HTT: variants seen among roughly 807,000 people sequenced by gnomAD.
HTT encodes huntingtin.
In HTT, 104 loss-of-function variants were observed where a neutral mutation model predicts 362.3. The ratio of observed to expected loss-of-function variants is 0.29; its 90% confidence interval spans 0.24 to 0.34. The LOEUF (loss-of-function observed/expected upper bound fraction) is 0.34. HTT is among the 10% of genes least tolerant of loss of function. The probability of loss-of-function intolerance (pLI) is 1.00; values close to 1 mark genes in which losing one functional copy is unlikely to be tolerated. For missense variants in HTT, 3,301 were observed against 3,928.6 expected, an observed-to-expected ratio of 0.84 and a Z score of 4.27; for synonymous variants, 1,577 against 1,548.7, an observed-to-expected ratio of 1.02 and a Z score of -0.43.
intron 37 of HTT, among the ~76,000 whole-genome samples, chr4:3,186,137 G>A (rs937428517): frequency 3.3e-5 from 5 of 152,042 alleles, no homozygotes; most frequent in African/African-American, 1.2e-4. Flanking sequence ...GATTAAGAAA[G>A]GGATATACAC....
In HTT at chr4:3,217,964, C is replaced by T. The variant is rs767464594; in HGVS notation, c.7242+12C>T. Reference sequence around the variant, plus strand: ...GTGTGCCCCCACTGGTGAGTCTGCTCGTTCCTTGCAGAAGACCAAGTACGG... The same window carrying T: ...GTGTGCCCCCACTGGTGAGTCTGCTTGTTCCTTGCAGAAGACCAAGTACGG... On this transcript the variant is annotated intron_variant, in intron 52 of 66. Transcript: ENST00000355072. 7.7e-5 allele frequency: 123 copies of T among 1,593,912 alleles called. No homozygotes were observed. The highest frequency in any genetic ancestry group is 1.2e-4 in the African/African-American group (9 of 74,648).
intron 27 of HTT, among the ~76,000 whole-genome samples, chr4:3,155,859 C>G (rs1422657991): frequency 6.7e-5 from 10 of 148,960 alleles, no homozygotes; most frequent in African/African-American, 2.5e-5. Flanking sequence ...GTTCATGCCA[C>G]TGCACTCTAG....
At chr4:3,127,635 T>A in intron 12 of HTT, 31 bp downstream of exon 12, 1 of 1,478,238 alleles carries the variant, frequency 6.8e-7, no homozygotes, top group Non-Finnish European at 9.3e-7. Context: ...GACATCTTTT[T>A]TTTTATTTTT....
chr4:3,075,647 C>CGGGGGGGGG (rs1560535774), intron 1 of HTT, among the ~76,000 whole-genome samples: 2 of 61,666 alleles, frequency 3.2e-5, no homozygotes, highest in Non-Finnish European at 2.9e-5. Context: ...AGTGGCGGGG[C>CGGGGGGGGG]AGGGGGGGGG....
intron 26 of HTT, among the ~76,000 whole-genome samples, chr4:3,152,126 TCTCA>T (rs1716925977): frequency 2.0e-5 from 3 of 147,620 alleles, no homozygotes; most frequent in Non-Finnish European, 3.0e-5. Context: ...TGAGACAGAG[TCTCA>T]GCCTGTCGCC....
chr4:3,104,948 A>C (rs1714350253), intron 4 of HTT, among the ~76,000 whole-genome samples: 1 of 152,118 alleles, frequency 6.6e-6, no homozygotes, highest in African/African-American at 2.4e-5. Flanking sequence ...ATTATCGACT[A>C]TATATTATTG....
intron 48 of HTT, 44 bp from the exon 49 acceptor site, chr4:3,212,520 C>T (rs773484422): frequency 1.3e-6 from 2 of 1,593,582 alleles, no homozygotes; most frequent in East Asian, 2.2e-5. Flanking sequence ...GTTGATGCAT[C>T]TGTGCTCACG....
chr4:3,228,844 T>C lies in HTT; in HGVS notation c.7980-36T>C, dbSNP rs765544082. On this transcript the variant is annotated intron_variant, in intron 58 of 66. Coordinates refer to ENST00000355072, the MANE Select transcript of HTT (RefSeq NM_001388492.1). The surrounding 1 kb of genome is among the most constrained non-coding windows in gnomAD (Gnocchi z 4.3). Reference sequence around the variant, plus strand: ...TTCTTGAAATGAGCCTCTCATCTCATGTACTTGGAAAATACCCATCTCGCA... The same window carrying C: ...TTCTTGAAATGAGCCTCTCATCTCACGTACTTGGAAAATACCCATCTCGCA... The C allele has an allele frequency of 5.0e-6, 8 of 1,595,746 alleles. No individual in the cohort carries two copies. In the African/African-American group the frequency reaches 6.7e-5, roughly 13 times the overall value.
chr4:3,215,411 T>C (rs543317170), intron 51 of HTT, among the ~76,000 whole-genome samples, 200 bp downstream of exon 51: 80 of 152,228 alleles, frequency 5.3e-4, no homozygotes, highest in African/African-American at 1.3e-3. Flanking sequence ...GAACACCTTA[T>C]CCGTACACAT....
intron 29 of HTT, among the ~76,000 whole-genome samples, chr4:3,161,531 C>G (rs1717444715): frequency 6.6e-6 from 1 of 152,306 alleles, no homozygotes; most frequent in Non-Finnish European, 1.5e-5. Context: ...AATTTACACT[C>G]CCACCAACAG....
chr4:3,134,381 C>T lies in HTT; in HGVS notation c.2494-20C>T. 1 of 1,609,884 alleles carries T rather than the reference C, an allele frequency of 6.2e-7. No homozygotes were observed. The highest frequency in any genetic ancestry group is 8.5e-7 in the Non-Finnish European group (1 of 1,178,030). On this transcript the variant is annotated intron_variant, in intron 18 of 66. Transcript: ENST00000355072. Reference sequence around the variant, plus strand: ...GTGGGACTAACCTGCTGTCCTCTTGCCTTGGACCTTGTGTTCCAGAACTGT... The same window carrying T: ...GTGGGACTAACCTGCTGTCCTCTTGTCTTGGACCTTGTGTTCCAGAACTGT...
At chr4:3,208,676 T>C in intron 45 of HTT, 97 bp from the exon 46 acceptor site, 1 of 1,164,910 alleles carries the variant, frequency 8.6e-7, no homozygotes, top group Non-Finnish European at 1.2e-6. Flanking sequence ...CTCCTTAGAG[T>C]GTATATTTCT....
At chr4:3,233,568 C>T (rs534937402) in intron 61 of HTT, among the ~76,000 whole-genome samples, 2 of 152,342 alleles carry the variant, frequency 1.3e-5, no homozygotes, top group Non-Finnish European at 2.9e-5. Context: ...CTGGAGCTCT[C>T]GCCTCTGCTG....
At chr4:3,233,457 GC>G (rs3216820) in intron 61 of HTT, 104 bp downstream of exon 61, 510,954 of 1,153,342 alleles carry the variant, frequency 0.44, 117,530 homozygotes, top group African/African-American at 0.54. Context: ...CAGATGGCAG[GC>G]CAGGTATCAG....
chr4:3,129,600 C>G, intron 12 of HTT: 1 of 231,400 alleles, frequency 4.3e-6, no homozygotes, highest in East Asian at 1.2e-4. Flanking sequence ...CTCATATTTC[C>G]AACTTGCTGT....
chr4:3,209,666 C>T (rs988976408), intron 46 of HTT, among the ~76,000 whole-genome samples, 161 bp from the exon 47 acceptor site: 1 of 152,282 alleles, frequency 6.6e-6, no homozygotes, highest in Admixed American at 6.5e-5. Flanking sequence ...AAGGGGAAAA[C>T]CTGTGGTGTG....
Position 3,239,885 on chromosome 4 carries a change from G to T in HTT, c.9255G>T (p.Gln3085His). ...TCAGCAGGATGGGCAAGCTGGAGCAGGTGGACGTGAACCTTTTCTGCCTGG... is the reference window on the plus strand; with the variant it reads ...TCAGCAGGATGGGCAAGCTGGAGCATGTGGACGTGAACCTTTTCTGCCTGG... ...HVISRMGKLE[Q>H]VDVNLFCLVA... Residue 3085 changes from glutamine (Q) to histidine (H), a missense_variant, in exon 67 of 67, where the codon CAG (glutamine) becomes CAT (histidine). Transcript: ENST00000355072. The T allele has an allele frequency of 6.4e-7, 1 of 1,568,414 alleles. No individual in the cohort carries two copies.
In HTT at chr4:3,206,610, C is replaced by T. The variant is rs202046922; in HGVS notation, c.5833C>T (p.Arg1945Trp). Residue 1945 changes from arginine (R) to tryptophan (W), a missense_variant, in exon 43 of 67, where the codon CGG (arginine) becomes TGG (tryptophan). This residue lies in a region of HTT where 2,316 missense variants were observed against 2,658.5 expected (regional missense o/e 0.87). Coordinates refer to ENST00000355072, the MANE Select transcript of HTT (RefSeq NM_001388492.1). The surrounding 1 kb of genome is among the most constrained non-coding windows in gnomAD (Gnocchi z 4.6). ...ACAGGACTTCATCAGTGCCGTTCATCGGAACTCTGCTGCCAGCGGCCTGTT... is the reference window on the plus strand; with the variant it reads ...ACAGGACTTCATCAGTGCCGTTCATTGGAACTCTGCTGCCAGCGGCCTGTT... ...PVQDFISAVH[R>W]NSAASGLFIQ... The T allele has an allele frequency of 2.7e-5, 44 of 1,614,148 alleles. No individual in the cohort carries two copies. Among genetic ancestry groups the T allele is most frequent in the East Asian group, 4.5e-5 (2 of 44,888 alleles).
chr4:3,224,725 G>A (rs148450969), intron 56 of HTT, among the ~76,000 whole-genome samples: 12 of 152,360 alleles, frequency 7.9e-5, no homozygotes, highest in Middle Eastern at 3.4e-3. Flanking sequence ...CTGTGATTCC[G>A]TAGCTATTTA....
Sources: allele counts gnomAD v4.1 joint callset (sites outside exome capture counted in the v4.1 genomes callset), GRCh38; gene constraint gnomAD v4.1.1; regional missense constraint gnomAD v4.1.1; non-coding constraint Gnocchi (gnomAD v3.1); transcripts MANE v1.5; gene names NCBI Gene and HGNC (gene_info 2026-07-23, HGNC 2026-07-21).